UBE2V1: variants seen among roughly 807,000 people sequenced by gnomAD.
UBE2V1 encodes ubiquitin-conjugating enzyme E2 variant 1.
In UBE2V1, 15 loss-of-function variants were observed where a neutral mutation model predicts 19.6. The ratio of observed to expected loss-of-function variants is 0.77; its 90% CI spans 0.51 to 1.18. The LOEUF is 1.18. Ranked by LOEUF, UBE2V1 falls within the 50% of genes most tolerant of loss-of-function variation. The pLI, the probability that UBE2V1 is intolerant of heterozygous loss-of-function variation, is 0.00. For missense variants in UBE2V1, 125 were observed against 184.8 expected (o/e 0.68, Z 1.88); for synonymous variants, 60 against 60.7 (o/e 0.99, Z 0.05).
intron 2 of UBE2V1, among the ~76,000 whole-genome samples, chr20:50,087,033 C>A (rs1346994463): frequency 6.6e-6 from 1 of 152,054 alleles, no homozygotes; most frequent in East Asian, 1.9e-4. Context: ...GCCGAGATTG[C>A]GCCACTGCAC....
intron 2 of UBE2V1, 141 bp from the exon 3 acceptor site, chr20:50,084,395 T>A (rs752605538): frequency 2.7e-6 from 4 of 1,497,114 alleles, no homozygotes; most frequent in Non-Finnish European, 3.7e-6. Flanking sequence ...CTGTGGTAGG[T>A]CAGCAGTTCT....
chr20:50,112,637 T>C (rs2080836162), intron 1 of UBE2V1, among the ~76,000 whole-genome samples: 2 of 152,144 alleles, frequency 1.3e-5, no homozygotes, highest in African/African-American at 4.8e-5. Flanking sequence ...ATCCCGTTTC[T>C]TCCATCCAGC....
At chr20:50,104,229 C>A in intron 1 of UBE2V1, 1 of 875,196 alleles carries the variant, frequency 1.1e-6, no homozygotes. Flanking sequence ...TTACAGTGAG[C>A]CGAGATCGCG....
Position 50,113,111 on chromosome 20 carries a change from G to A in UBE2V1, c.18C>T (p.Gly6=). The change falls in exon 1 of 4, where the codon GGC becomes GGT. Residue 6 remains glycine (G), a synonymous_variant. Coordinates refer to ENST00000371674, the MANE Select transcript of UBE2V1 (RefSeq NM_001032288.3). ...GGGCCCGGCGCCCCCGCTCACCCGA[G>A]CCCGTGGTGGCTGCCATCTTGCGTC... is the stretch of plus-strand genomic sequence containing the variant. The part of the protein sequence containing the change: MAATT[G]SGVKVPRNFR... The A allele has an allele frequency of 7.4e-7, 1 of 1,350,956 alleles. No individual in the cohort carries two copies. The highest frequency in any genetic ancestry group is 9.7e-7 in the Non-Finnish European group (1 of 1,032,216). 83.7% of individuals were successfully genotyped at this position (1,350,956 alleles called of 1,614,324 possible). A position where few individuals can be genotyped will look rare whatever the true frequency, so the allele number is the denominator to read the frequency against.
intron 1 of UBE2V1, among the ~76,000 whole-genome samples, chr20:50,100,774 T>C (rs541613701): frequency 6.6e-6 from 1 of 152,226 alleles, no homozygotes; most frequent in African/African-American, 2.4e-5. Context: ...GGACTATTTA[T>C]AGTAGGACTA....
upstream of UBE2V1, among the ~76,000 whole-genome samples, chr20:50,113,427 A>C (rs368972214): frequency 5.3e-5 from 8 of 152,246 alleles, no homozygotes; most frequent in East Asian, 1.9e-4. Context: ...TTGTGAAAGA[A>C]AAAGAAAATA....
At chr20:50,111,270 C>T (rs2080733576) in intron 1 of UBE2V1, 1 of 986,336 alleles carries the variant, frequency 1.0e-6, no homozygotes, top group South Asian at 4.7e-5. Flanking sequence ...ATCACCATAG[C>T]CATTTATGAA....
intron 1 of UBE2V1, among the ~76,000 whole-genome samples, chr20:50,108,048 G>C (rs1306895509): frequency 6.6e-6 from 1 of 152,232 alleles, no homozygotes; most frequent in South Asian, 2.1e-4. Flanking sequence ...GCAGGGCCTT[G>C]TGGGCCATGG....
intron 2 of UBE2V1, among the ~76,000 whole-genome samples, chr20:50,085,353 C>T (rs765041861): frequency 1.3e-5 from 2 of 152,154 alleles, no homozygotes; most frequent in African/African-American, 2.4e-5. Flanking sequence ...CCTGCCCCCA[C>T]CTGAAATGCC....
At chr20:50,084,569 G>T (rs2078799116) in intron 2 of UBE2V1, 1 of 488,186 alleles carries the variant, frequency 2.0e-6, no homozygotes, top group Admixed American at 2.3e-5. Context: ...CTGGGGAATG[G>T]TAAGAGGCAT....
upstream of UBE2V1, chr20:50,115,696 T>C (rs1601195705): frequency 8.5e-7 from 1 of 1,181,526 alleles, no homozygotes; most frequent in Admixed American, 4.1e-5. Context: ...AGCTCATAAT[T>C]ACCAAGCCGT....
In UBE2V1 at chr20:50,096,687, T is replaced by TATC; in HGVS notation, c.153_155dup (p.Met51dup). The TATC allele has an allele frequency of 6.2e-7, 1 of 1,614,046 alleles. No homozygotes were observed. Among genetic ancestry groups the TATC allele is most frequent in the Non-Finnish European group, 8.5e-7 (1 of 1,180,010 alleles). ...CGACGCTTACTCTTGGAGGCCCAATTATCATCCCTGTCCATCTTGTAAGTG... is the reference window on the plus strand; with the variant it reads ...CGACGCTTACTCTTGGAGGCCCAATTATCATCATCCCTGTCCATCTTGTAAGTG... On this transcript the variant is annotated inframe_insertion, in exon 2 of 4. Transcript: ENST00000371674.
chr20:50,097,365 T>C (rs2079692566), intron 1 of UBE2V1, among the ~76,000 whole-genome samples: 1 of 152,216 alleles, frequency 6.6e-6, no homozygotes, highest in African/African-American at 2.4e-5. Context: ...TAAGTGATAG[T>C]TTCTCTTTTA....
chr20:50,095,807 G>C (rs1226771751), intron 2 of UBE2V1: 1 of 152,230 alleles, frequency 6.6e-6, no homozygotes, highest in Non-Finnish European at 1.5e-5. Flanking sequence ...GTTACTACTT[G>C]ATTAGTATCT....
chr20:50,111,939 G>C (rs1873309688), intron 1 of UBE2V1, among the ~76,000 whole-genome samples: 1 of 152,140 alleles, frequency 6.6e-6, no homozygotes, highest in Non-Finnish European at 1.5e-5. Flanking sequence ...CACCCCATCT[G>C]AGAGAACCTC....
At chr20:50,113,948 C>CTA (rs2080931645), upstream of UBE2V1, among the ~76,000 whole-genome samples, 1 of 152,082 alleles carries the variant, frequency 6.6e-6, no homozygotes, top group East Asian at 1.9e-4. Context: ...AGTAAATAAA[C>CTA]AGGAAACTAT....
upstream of UBE2V1, among the ~76,000 whole-genome samples, chr20:50,113,756 C>T (rs974216106): frequency 2.1e-5 from 3 of 144,354 alleles, no homozygotes; most frequent in Non-Finnish European, 4.6e-5. Context: ...CATTTGCTAA[C>T]CATCTACCCA....
chr20:50,106,962 C>G (rs1222436031), intron 1 of UBE2V1, among the ~76,000 whole-genome samples: 1 of 151,898 alleles, frequency 6.6e-6, no homozygotes, highest in Non-Finnish European at 1.5e-5. Context: ...GTTGCCCATT[C>G]AGGGAAGACA....
intron 1 of UBE2V1, among the ~76,000 whole-genome samples, chr20:50,105,114 TAA>T (rs1008867401): frequency 2.6e-5 from 4 of 152,198 alleles, no homozygotes; most frequent in African/African-American, 7.2e-5. Context: ...CCAAATCACA[TAA>T]GTCAAAGAAT....
Sources: gnomAD v4.1 joint callset for allele counts (sites outside exome capture counted in the v4.1 genomes callset) on GRCh38, gnomAD v4.1.1 for gene constraint, MANE v1.5 for transcripts, NCBI Gene and HGNC (gene_info 2026-07-23, HGNC 2026-07-21) for gene names.